Variants in PAX5 observed in about 807,000 individuals in gnomAD.
The protein encoded by PAX5 is paired box protein Pax-5.
A neutral mutation model predicts 43.7 loss-of-function variants in PAX5; 9 were observed. That is an observed-to-expected ratio of 0.21 (90% CI 0.12 to 0.36). The LOEUF is 0.36. PAX5 is among the 10% of genes least tolerant of loss of function. The pLI is 1.00. For missense variants in PAX5, 383 were observed against 532.7 expected, an observed-to-expected ratio of 0.72 and a Z score of 2.77; for synonymous variants, 228 against 214.3, an observed-to-expected ratio of 1.06 and a Z score of -0.56.
At chr9:36,923,811 A>G (rs1830377123) in intron 6 of PAX5, among the ~76,000 whole-genome samples, 1 of 152,250 alleles carries the variant, frequency 6.6e-6, no homozygotes, top group Non-Finnish European at 1.5e-5. Context: ...TCCTCAGTGC[A>G]GGGATGGAGG....
At chr9:36,846,477 CTTAT>C (rs1279470816) in intron 9 of PAX5, among the ~76,000 whole-genome samples, 1 of 152,214 alleles carries the variant, frequency 6.6e-6, no homozygotes. Flanking sequence ...TTTACTGACA[CTTAT>C]TTAGAGAGTT....
rs1362584849 is a variant in PAX5 at position 36,836,067 on chromosome 9, G to A, written c.*4493C>T. On this transcript the variant is annotated 3_prime_UTR_variant, in exon 10 of 10. Coordinates refer to ENST00000358127, the MANE Select transcript of PAX5 (RefSeq NM_016734.3). ...GAGGGGGTGGCTGGAGCCACTGGCT[G>A]CCAAGGCTGGGCAGTCGTTCTGGAG... 1 of 233,582 alleles carries A rather than the reference G, an allele frequency of 4.3e-6. No individual in the cohort carries two copies. The highest frequency in any genetic ancestry group is 8.5e-6 in the Non-Finnish European group (1 of 118,294). The allele number at this position is 233,582 out of a possible 1,614,324, so 14.5% of individuals were successfully genotyped here.
Position 36,838,639 on chromosome 9 carries a change from C to A in PAX5, c.*1921G>T, listed in dbSNP as rs908678053. ...CAGGCTCTTCTGATTCCCGCCCCTC[C>A]GAGTGTTCTTGTTTCCCACTTGGTC... On this transcript the variant is annotated 3_prime_UTR_variant, in exon 10 of 10. Transcript: ENST00000358127. 4.3e-6 allele frequency: 1 copy of A among 233,040 alleles called. No homozygotes were observed. Among genetic ancestry groups the A allele is most frequent in the Non-Finnish European group, 8.5e-6 (1 of 118,018 alleles). 14.4% of individuals were successfully genotyped at this position (233,040 alleles called of 1,614,324 possible).
At chr9:36,961,836 G>C (rs1286501879) in intron 6 of PAX5, among the ~76,000 whole-genome samples, 1 of 152,154 alleles carries the variant, frequency 6.6e-6, no homozygotes, top group Non-Finnish European at 1.5e-5. Context: ...ACACGTGCAC[G>C]CACACACACT....
At chr9:36,888,209 T>C (rs549038090) in intron 7 of PAX5, among the ~76,000 whole-genome samples, 1 of 152,322 alleles carries the variant, frequency 6.6e-6, no homozygotes, top group South Asian at 2.1e-4. Flanking sequence ...TTTGGAAAAG[T>C]CTGGCAGTTC....
At chr9:37,022,507 G>A (rs1174720395) in intron 1 of PAX5, among the ~76,000 whole-genome samples, 6 of 152,152 alleles carry the variant, frequency 3.9e-5, no homozygotes, top group African/African-American at 1.4e-4. Flanking sequence ...GGAAAACAAA[G>A]GGCAGGCAAA....
At chr9:36,937,073 G>A (rs1831622002) in intron 6 of PAX5, among the ~76,000 whole-genome samples, 1 of 152,130 alleles carries the variant, frequency 6.6e-6, no homozygotes, top group Non-Finnish European at 1.5e-5. Context: ...GCCTCTCATG[G>A]TGAATTCAGA....
chr9:36,969,102 C>A (rs1055243244), intron 5 of PAX5, among the ~76,000 whole-genome samples: 1 of 152,192 alleles, frequency 6.6e-6, no homozygotes, highest in African/African-American at 2.4e-5. Flanking sequence ...CTTTCAAGAG[C>A]TTCTCCCTCC....
rs769872772 is a variant in PAX5, at chr9:36,882,783, C to T, written c.911-678G>A. Among the ~76,000 whole-genome samples the T allele has an allele frequency of 1.3e-5, 2 of 152,254 alleles. No homozygotes were observed. The highest frequency in any genetic ancestry group is 2.9e-5 in the Non-Finnish European group (2 of 68,048). On this transcript the variant is annotated intron_variant, in intron 7 of 9. Coordinates refer to ENST00000358127, the MANE Select transcript of PAX5 (RefSeq NM_016734.3). The surrounding 1 kb of genome is among the most constrained non-coding windows in gnomAD (Gnocchi z 4.4). Reference sequence around the variant, plus strand: ...GGACATGGAGGTTAAGGCCTCAGCCCTCAAGGCGTGCACACTCCCATGGGC... The same window carrying T: ...GGACATGGAGGTTAAGGCCTCAGCCTTCAAGGCGTGCACACTCCCATGGGC...
intron 7 of PAX5, among the ~76,000 whole-genome samples, chr9:36,893,297 T>C (rs1827561445): frequency 6.6e-6 from 1 of 152,208 alleles, no homozygotes; most frequent in Admixed American, 6.5e-5. Flanking sequence ...AGCATCACGA[T>C]GCCAGCAGCA....
Position 36,833,382 on chromosome 9 carries a change from C to T in PAX5, c.*7178G>A, listed in dbSNP as rs1008119505. On this transcript the variant is annotated 3_prime_UTR_variant, in exon 10 of 10. Transcript: ENST00000358127. ...CATAAAATCAATTCTTCACAAGTAACAGCCACTCATGAAAAGACACACAGA... is the reference window on the plus strand; with the variant it reads ...CATAAAATCAATTCTTCACAAGTAATAGCCACTCATGAAAAGACACACAGA... The T allele has an allele frequency of 1.7e-5, 4 of 233,036 alleles. No individual in the cohort carries two copies. The highest frequency in any genetic ancestry group is 8.8e-5 in the African/African-American group (4 of 45,312). 14.4% of individuals were successfully genotyped at this position (233,036 alleles called of 1,614,324 possible). A position where few individuals can be genotyped will look rare whatever the true frequency, so the allele number is the denominator to read the frequency against.
intron 3 of PAX5, chr9:37,007,688 GTTT>G (rs1355612670): frequency 1.3e-5 from 2 of 152,164 alleles, no homozygotes; most frequent in Non-Finnish European, 2.9e-5. Flanking sequence ...ATTTATTAGA[GTTT>G]TTTCTCATTA....
chr9:36,976,388 A>G (rs764707511), intron 5 of PAX5, among the ~76,000 whole-genome samples: 2 of 152,148 alleles, frequency 1.3e-5, no homozygotes, highest in South Asian at 2.1e-4. Context: ...GTCCTGGAGA[A>G]GGGACGATCA....
chr9:36,856,313 G>A (rs1823663719), intron 8 of PAX5, among the ~76,000 whole-genome samples: 1 of 152,218 alleles, frequency 6.6e-6, no homozygotes, highest in African/African-American at 2.4e-5. Flanking sequence ...GGCAGAGAAA[G>A]GGAATAAAAC....
At chr9:36,949,199 C>T (rs1275396768) in intron 6 of PAX5, among the ~76,000 whole-genome samples, 1 of 151,626 alleles carries the variant, frequency 6.6e-6, no homozygotes, top group East Asian at 1.9e-4. Flanking sequence ...CAGCTGGGAC[C>T]ACAGGGGCCC....
At chr9:36,989,989 C>G (rs1836787893) in intron 5 of PAX5, among the ~76,000 whole-genome samples, 1 of 152,150 alleles carries the variant, frequency 6.6e-6, no homozygotes, top group Admixed American at 6.6e-5. Flanking sequence ...CAGGCAGGTT[C>G]TGTGTGCTGG....
In PAX5 at chr9:36,966,128, C is replaced by T. The variant is rs368771564; in HGVS notation, c.780+421G>A. On this transcript the variant is annotated intron_variant, in intron 6 of 9. Coordinates refer to ENST00000358127, the MANE Select transcript of PAX5 (RefSeq NM_016734.3). Reference sequence around the variant, plus strand: ...CAGACAGTGGGATACCCACCCGCTCCGTCATTCCATTGTTCACGGCCGGTG... The same window carrying T: ...CAGACAGTGGGATACCCACCCGCTCTGTCATTCCATTGTTCACGGCCGGTG... 2.0e-4 allele frequency among the ~76,000 whole-genome samples: 31 copies of T among 152,350 alleles called. No homozygotes were observed. The South Asian group carries it at 3.7e-3, about 18-fold the overall frequency.
At chr9:36,884,676 TG>T (rs1360837144) in intron 7 of PAX5, among the ~76,000 whole-genome samples, 2 of 152,168 alleles carry the variant, frequency 1.3e-5, no homozygotes, top group African/African-American at 4.8e-5. Flanking sequence ...GAATAAGCAC[TG>T]GGGGGCAGGG....
intron 6 of PAX5, among the ~76,000 whole-genome samples, chr9:36,937,309 C>T (rs1223985651): frequency 6.6e-6 from 1 of 152,112 alleles, no homozygotes; most frequent in Non-Finnish European, 1.5e-5. Flanking sequence ...CACAAGGTGC[C>T]AAAATAACGT....
Sources: gnomAD v4.1 joint callset for allele counts (sites outside exome capture counted in the v4.1 genomes callset) on GRCh38, gnomAD v4.1.1 for gene constraint, Gnocchi (gnomAD v3.1) non-coding constraint, MANE v1.5 for transcripts, NCBI Gene and HGNC (gene_info 2026-07-23, HGNC 2026-07-21) for gene names.